The following TRIB2 variants were observed in gnomAD, a reference collection of about 807,000 sequenced individuals.
The protein encoded by TRIB2 is tribbles pseudokinase 2, also known as tribbles homolog 2.
A neutral mutation model predicts 26.8 loss-of-function variants in TRIB2; 2 were observed. The ratio of observed to expected loss-of-function variants is 0.07; its 90% CI spans 0.03 to 0.24. The LOEUF (loss-of-function observed/expected upper bound fraction) is 0.24, where lower values mean the gene tolerates loss of function less well. Ranked by LOEUF, TRIB2 falls within the 10% of genes least tolerant of loss-of-function variation. TRIB2 has a pLI of 1.00. For synonymous variants in TRIB2, 189 were observed against 187.3 expected (o/e 1.01, Z -0.08); for missense variants, 306 against 449.0 (o/e 0.68, Z 2.88).
intron 2 of TRIB2, among the ~76,000 whole-genome samples, chr2:12,727,139 C>G (rs1164652532): frequency 6.6e-6 from 1 of 152,192 alleles, no homozygotes; most frequent in East Asian, 1.9e-4. Flanking sequence ...TCTGGCTCTT[C>G]TTAGCTACCT....
chr2:12,740,900 C>CA lies in TRIB2; in HGVS notation c.*107dup. 1 of 1,078,974 alleles carries CA rather than the reference C, an allele frequency of 9.3e-7. No homozygotes were observed. Among genetic ancestry groups the CA allele is most frequent in the Non-Finnish European group, 1.3e-6 (1 of 751,644 alleles). The allele number at this position is 1,078,974 out of a possible 1,614,324, so 66.8% of individuals were successfully genotyped here. On this transcript the variant is annotated 3_prime_UTR_variant, in exon 3 of 3. Coordinates refer to ENST00000155926, the MANE Select transcript of TRIB2 (RefSeq NM_021643.4). The surrounding 1 kb of genome is among the most constrained non-coding windows in gnomAD (Gnocchi z 5.8). Reference sequence around the variant, plus strand: ...GCCTGGCTGAGTAGCAAGAAAGACACACTCTTAAGTTTCTTGGTTCAGAGC... The same window carrying CA: ...GCCTGGCTGAGTAGCAAGAAAGACACAACTCTTAAGTTTCTTGGTTCAGAGC...
chr2:12,723,606 A>G, intron 2 of TRIB2, 54 bp downstream of exon 2: 1 of 1,554,226 alleles, frequency 6.4e-7, no homozygotes, highest in Non-Finnish European at 8.7e-7. Context: ...TCCTAACAAC[A>G]GCTTCCTAGA....
chr2:12,736,641 C>G (rs965748891), intron 2 of TRIB2, among the ~76,000 whole-genome samples: 1 of 152,182 alleles, frequency 6.6e-6, no homozygotes, highest in African/African-American at 2.4e-5. Context: ...GCAGGACAGT[C>G]CCTGTCATTG....
At chr2:12,724,958 T>G in intron 2 of TRIB2, 1 of 1,324,914 alleles carries the variant, frequency 7.5e-7, no homozygotes, top group Non-Finnish European at 1.0e-6. Flanking sequence ...TCATATTTGT[T>G]TACCTCTTAC....
chr2:12,728,934 G>A (rs1661392125), intron 2 of TRIB2, among the ~76,000 whole-genome samples: 1 of 152,176 alleles, frequency 6.6e-6, no homozygotes. Flanking sequence ...AGAGTACAGA[G>A]GGCAGGCATG....
At chr2:12,723,655 A>C (rs529672945) in intron 2 of TRIB2, 103 bp downstream of exon 2, 2 of 1,370,886 alleles carry the variant, frequency 1.5e-6, no homozygotes, top group African/African-American at 2.9e-5. Flanking sequence ...TCTGTGGTCC[A>C]GATGAGGGGA....
Position 12,723,427 on chromosome 2 carries a change from G to A in TRIB2, c.438G>A (p.Lys146=), listed in dbSNP as rs1371136636. 16 of 1,614,112 alleles carry A rather than the reference G, an allele frequency of 9.9e-6. No individual in the cohort carries two copies. The highest frequency in any genetic ancestry group is 1.4e-5 in the Non-Finnish European group (16 of 1,180,046). ...DMHSFVRTCK[K]LREEEAARLF... is the part of the protein sequence containing the mutation. ...ATTCCTTCGTCCGCACCTGCAAGAA[G>A]CTGAGAGAGGAGGAGGCAGCCAGAC... Residue 146 remains lysine (K), a synonymous_variant, in exon 2 of 3, where the codon AAG becomes AAA. Transcript: ENST00000155926.
At chr2:12,723,634 T>G in intron 2 of TRIB2, 82 bp downstream of exon 2, 1 of 1,496,182 alleles carries the variant, frequency 6.7e-7, no homozygotes, top group Non-Finnish European at 9.0e-7. Flanking sequence ...TGAATGGACG[T>G]TTTTTTGCCG....
chr2:12,728,081 G>A (rs974317262), intron 2 of TRIB2, among the ~76,000 whole-genome samples: 2 of 152,184 alleles, frequency 1.3e-5, no homozygotes, highest in Middle Eastern at 3.2e-3. Context: ...CACAGCTGCC[G>A]TCTGGATTCC....
At chr2:12,729,798 C>T (rs558640928) in intron 2 of TRIB2, among the ~76,000 whole-genome samples, 2 of 152,234 alleles carry the variant, frequency 1.3e-5, no homozygotes, top group East Asian at 1.9e-4. Context: ...TCAAGCAAAC[C>T]AAGCAGAGGC....
chr2:12,742,713 A>G lies in TRIB2; in HGVS notation c.*1919A>G, dbSNP rs1661737882. The G allele has an allele frequency of 6.6e-6, 1 of 152,378 alleles. No individual in the cohort carries two copies. The highest frequency in any genetic ancestry group is 1.5e-5 in the Non-Finnish European group (1 of 68,004). 9.4% of individuals were successfully genotyped at this position (152,378 alleles called of 1,614,324 possible). A position where few individuals can be genotyped will look rare whatever the true frequency, so the allele number is the denominator to read the frequency against. ...TTGTCCTAATCTCTTCAATCAATAA[A>G]ATTGTGCGTATTTAACTAAAATGCT... On this transcript the variant is annotated 3_prime_UTR_variant, in exon 3 of 3. Coordinates refer to ENST00000155926, the MANE Select transcript of TRIB2 (RefSeq NM_021643.4).
intron 2 of TRIB2, among the ~76,000 whole-genome samples, chr2:12,734,420 G>A (rs1057084222): frequency 2.6e-5 from 4 of 152,152 alleles, no homozygotes; most frequent in East Asian, 3.9e-4. Context: ...TCCAGCCCGC[G>A]GGAGGAACAA....
intron 2 of TRIB2, among the ~76,000 whole-genome samples, chr2:12,736,847 T>C (rs116582407): frequency 0.014 from 2,060 of 152,286 alleles, 51 homozygotes; most frequent in African/African-American, 0.046. Flanking sequence ...AAATGTACGA[T>C]ATCTCCCATG....
chr2:12,736,146 A>C (rs985918369), intron 2 of TRIB2, among the ~76,000 whole-genome samples: 11 of 152,120 alleles, frequency 7.2e-5, no homozygotes, highest in Non-Finnish European at 1.6e-4. Flanking sequence ...AGAATCTAAA[A>C]TTGTGACCTG....
intron 1 of TRIB2, among the ~76,000 whole-genome samples, chr2:12,719,129 T>C (rs1558313998): frequency 6.6e-6 from 1 of 152,168 alleles, no homozygotes; most frequent in African/African-American, 2.4e-5. Context: ...TTCTTCTGCC[T>C]GGAGCCTTGA....
At chr2:12,730,845 ACT>A (rs1171345075) in intron 2 of TRIB2, among the ~76,000 whole-genome samples, 1 of 152,016 alleles carries the variant, frequency 6.6e-6, no homozygotes, top group East Asian at 1.9e-4. Flanking sequence ...TCTACTCAAT[ACT>A]CTTGGGAGTT....
Position 12,723,656 on chromosome 2 carries a change from G to C in TRIB2, c.563+104G>C, listed in dbSNP as rs980204619. The C allele has an allele frequency of 7.3e-6, 10 of 1,372,358 alleles. No homozygotes were observed. The Middle Eastern group carries it at 7.9e-4, about 109-fold the overall frequency. 85.0% of individuals were successfully genotyped at this position (1,372,358 alleles called of 1,614,324 possible). On this transcript the variant is annotated intron_variant, in intron 2 of 2. Coordinates refer to ENST00000155926, the MANE Select transcript of TRIB2 (RefSeq NM_021643.4). Reference sequence around the variant, plus strand: ...ACGTTTTTTTGCCGTCTGTGGTCCAGATGAGGGGAAGGAATCTTAGGAGGG... The same window carrying C: ...ACGTTTTTTTGCCGTCTGTGGTCCACATGAGGGGAAGGAATCTTAGGAGGG...
At chr2:12,724,651 G>C (rs1661296448) in intron 2 of TRIB2, 1 of 1,612,656 alleles carries the variant, frequency 6.2e-7, no homozygotes, top group African/African-American at 1.3e-5. Flanking sequence ...CTGGAGCCTG[G>C]AGATGTTTCC....
intron 2 of TRIB2, among the ~76,000 whole-genome samples, chr2:12,725,310 T>A (rs781096377): frequency 7.9e-5 from 12 of 152,106 alleles, no homozygotes; most frequent in Non-Finnish European, 1.5e-4. Flanking sequence ...TGCAAATGAG[T>A]AGAGCAGGGT....
Sources: allele counts gnomAD v4.1 joint callset (sites outside exome capture counted in the v4.1 genomes callset), GRCh38; gene constraint gnomAD v4.1.1; non-coding constraint Gnocchi (gnomAD v3.1); transcripts MANE v1.5; gene names NCBI Gene and HGNC (gene_info 2026-07-23, HGNC 2026-07-21).